The following RASSF3 variants were observed in gnomAD, a reference collection of about 807,000 sequenced individuals.
The protein encoded by RASSF3 is Ras association domain family member 3.
Under a neutral mutation model 19.9 loss-of-function variants are expected in RASSF3, and 19 were observed. The ratio of observed to expected loss-of-function variants is 0.96; its 90% CI spans 0.67 to 1.40. The LOEUF (loss-of-function observed/expected upper bound fraction) is 1.40, where lower values mean the gene tolerates loss of function less well. Ranked by LOEUF, RASSF3 falls within the 40% of genes most tolerant of loss-of-function variation. The pLI is 0.00. For missense variants in RASSF3, 306 were observed against 289.8 expected, an observed-to-expected ratio of 1.06 and a Z score of -0.41; for synonymous variants, 110 against 104.2, an observed-to-expected ratio of 1.06 and a Z score of -0.34.
chr12:64,515,423 T>G (rs1408001954), intron 1 of RASSF3: 1 of 152,222 alleles, frequency 6.6e-6, no homozygotes, highest in Non-Finnish European at 1.5e-5. Context: ...TTTTTTTTCC[T>G]TGATTCCCTC....
At position 64,684,906 on chromosome 12, in the gene RASSF3, A is replaced by G; in HGVS notation, c.219+12A>G. ...TGAAGATGACCTTGGTAAGCACTCA[A>G]AATACTATTTAGGTTGACACCTGTC... On this transcript the variant is annotated intron_variant, in intron 2 of 4. Coordinates refer to ENST00000542104, the MANE Select transcript of RASSF3 (RefSeq NM_178169.4). 2.0e-6 allele frequency: 3 copies of G among 1,493,522 alleles called. No homozygotes were observed. Among genetic ancestry groups the G allele is most frequent in the African/African-American group, 1.4e-5 (1 of 72,564 alleles). The allele number at this position is 1,493,522 out of a possible 1,614,324, so 92.5% of individuals were successfully genotyped here.
At position 64,691,468 on chromosome 12, in the gene RASSF3, A is replaced by C; in HGVS notation, c.458-2A>C. The stretch of plus-strand genomic sequence containing the variant: ...TAACATGCTGCTTGTTTCTTTACCC[A>C]GTCTACGCCTGCAAGCTCTCAGACC... On this transcript the variant is annotated splice_acceptor_variant, in intron 3 of 4. Coordinates refer to ENST00000542104, the MANE Select transcript of RASSF3 (RefSeq NM_178169.4). LOFTEE classifies it high-confidence loss of function. 1 of 1,604,140 alleles carries C rather than the reference A, an allele frequency of 6.2e-7. No individual in the cohort carries two copies. The highest frequency in any genetic ancestry group is 8.5e-7 in the Non-Finnish European group (1 of 1,171,042).
intron 2 of RASSF3, among the ~76,000 whole-genome samples, chr12:64,572,892 T>C (rs942777437): frequency 7.2e-5 from 11 of 152,140 alleles, no homozygotes; most frequent in Non-Finnish European, 8.8e-5. Context: ...GTCGATAAAA[T>C]GCAATTTCTT....
chr12:64,540,742 C>T (rs915549924), intron 1 of RASSF3, among the ~76,000 whole-genome samples: 3 of 152,130 alleles, frequency 2.0e-5, no homozygotes, highest in African/African-American at 7.2e-5. Flanking sequence ...ATCGCTTGAG[C>T]CTAGGAGGTC....
intron 1 of RASSF3, among the ~76,000 whole-genome samples, chr12:64,664,402 C>T (rs1872478869): frequency 1.3e-5 from 2 of 152,170 alleles, no homozygotes; most frequent in Non-Finnish European, 2.9e-5. Context: ...GAAAAATATA[C>T]ATATCAGGGA....
chr12:64,543,783 C>T (rs545658114), downstream of RASSF3, among the ~76,000 whole-genome samples: 12 of 151,920 alleles, frequency 7.9e-5, no homozygotes, highest in Admixed American at 2.0e-4. Context: ...CTAATTGGCT[C>T]TCAGTATCTA....
At chr12:64,547,490 G>C (rs2178546) in intron 2 of RASSF3, among the ~76,000 whole-genome samples, 101,351 of 151,860 alleles carry the variant, frequency 0.67, 34,263 homozygotes, top group African/African-American at 0.75. Flanking sequence ...TCGCTTGAAC[G>C]CAGGAGGCGG....
chr12:64,632,657 G>A (rs1871205643), intron 1 of RASSF3, among the ~76,000 whole-genome samples: 1 of 152,064 alleles, frequency 6.6e-6, no homozygotes, highest in African/African-American at 2.4e-5. Context: ...GTGGAATGGG[G>A]AGCACGGGAG....
chr12:64,564,763 C>G (rs954714430), intron 2 of RASSF3, among the ~76,000 whole-genome samples: 3 of 139,824 alleles, frequency 2.1e-5, no homozygotes, highest in African/African-American at 4.9e-5. Flanking sequence ...TAGCTCAACA[C>G]TTTTTAGGTG....
downstream of RASSF3, among the ~76,000 whole-genome samples, chr12:64,542,265 T>C (rs900327938): frequency 6.6e-6 from 1 of 151,700 alleles, no homozygotes; most frequent in Non-Finnish European, 1.5e-5. Flanking sequence ...GAGGTGGAGG[T>C]TGCATTAAGC....
chr12:64,629,248 C>T (rs1398732509), intron 1 of RASSF3, among the ~76,000 whole-genome samples: 5 of 151,786 alleles, frequency 3.3e-5, no homozygotes, highest in African/African-American at 4.8e-5. Context: ...ACTACAGGTA[C>T]GTGCCACCAC....
At chr12:64,667,055 G>C (rs1470379649) in intron 1 of RASSF3, among the ~76,000 whole-genome samples, 1 of 152,206 alleles carries the variant, frequency 6.6e-6, no homozygotes, top group East Asian at 1.9e-4. Flanking sequence ...AGGGGAGCCA[G>C]ATACGGAGGC....
chr12:64,637,986 C>G (rs12366918), intron 1 of RASSF3, among the ~76,000 whole-genome samples: 30,096 of 151,648 alleles, frequency 0.2, 3,325 homozygotes, highest in African/African-American at 0.31. Flanking sequence ...CATGTGCCAC[C>G]ACGCCCAGCT....
intron 2 of RASSF3, among the ~76,000 whole-genome samples, chr12:64,686,617 A>C (rs1386788305): frequency 6.6e-6 from 1 of 151,036 alleles, no homozygotes; most frequent in African/African-American, 2.4e-5. Context: ...TCTCAAAAAA[A>C]AGAGTTCAAG....
At chr12:64,520,323 C>T (rs12819485) in intron 1 of RASSF3, among the ~76,000 whole-genome samples, 10 of 151,618 alleles carry the variant, frequency 6.6e-5, no homozygotes, top group Non-Finnish European at 1.5e-4. Flanking sequence ...CCGCCATGCC[C>T]GGCTAATTTT....
At chr12:64,669,645 A>G (rs1199159689) in intron 1 of RASSF3, among the ~76,000 whole-genome samples, 1 of 151,740 alleles carries the variant, frequency 6.6e-6, no homozygotes, top group Non-Finnish European at 1.5e-5. Context: ...CAGCCTTGGT[A>G]GCTGGGCTGC....
chr12:64,663,526 ATT>A (rs112394432), intron 1 of RASSF3, among the ~76,000 whole-genome samples: 14 of 147,354 alleles, frequency 9.5e-5, no homozygotes, highest in Middle Eastern at 3.5e-3. Context: ...TGTTATTGTT[ATT>A]TTTTTTTTTT....
At chr12:64,532,251 T>G (rs969236346), upstream of RASSF3, among the ~76,000 whole-genome samples, 7 of 152,290 alleles carry the variant, frequency 4.6e-5, no homozygotes, top group Middle Eastern at 3.4e-3. Flanking sequence ...TGAAGAATGC[T>G]GCTGAGCAGC....
At chr12:64,655,562 C>T (rs1872127201) in intron 1 of RASSF3, among the ~76,000 whole-genome samples, 1 of 151,622 alleles carries the variant, frequency 6.6e-6, no homozygotes, top group Non-Finnish European at 1.5e-5. Flanking sequence ...ATCCTCCTGC[C>T]TCGGCCTCCC....
Sources: allele counts gnomAD v4.1 joint callset (sites outside exome capture counted in the v4.1 genomes callset), GRCh38; gene constraint gnomAD v4.1.1; transcripts MANE v1.5; gene names NCBI Gene and HGNC (gene_info 2026-07-23, HGNC 2026-07-21).